The following ARL15 variants were observed in gnomAD, a reference collection of about 807,000 sequenced individuals.
ARL15 encodes the protein ADP-ribosylation factor-like protein 15.
ARL15 carries 19 observed loss-of-function variants against 25.2 expected under a neutral mutation model. The ratio of observed to expected loss-of-function variants is 0.75; its 90% confidence interval spans 0.53 to 1.10. ARL15 has a LOEUF of 1.10. ARL15 is among the 50% of genes least tolerant of loss of function. The pLI is 0.00. For missense variants in ARL15, 220 were observed against 246.0 expected (o/e 0.89, Z 0.71); for synonymous variants, 94 against 86.8 (o/e 1.08, Z -0.46).
At chr5:53,933,461 C>T (rs1373305559) in intron 4 of ARL15, among the ~76,000 whole-genome samples, 3 of 151,726 alleles carry the variant, frequency 2.0e-5, no homozygotes, top group Non-Finnish European at 4.4e-5. Context: ...CTGGCTAACA[C>T]GGTGAAACCC....
chr5:53,957,213 A>G (rs1747189203), intron 4 of ARL15, among the ~76,000 whole-genome samples: 1 of 152,176 alleles, frequency 6.6e-6, no homozygotes, highest in Admixed American at 6.5e-5. Context: ...CAACAAGATG[A>G]GAGAAGGAAT....
chr5:54,155,024 G>A (rs1231309631), intron 2 of ARL15, among the ~76,000 whole-genome samples: 1 of 152,142 alleles, frequency 6.6e-6, no homozygotes, highest in African/African-American at 2.4e-5. Context: ...GGGAGGCTGA[G>A]GCAGGAGAAT....
chr5:53,943,884 T>C (rs930579541), intron 4 of ARL15, among the ~76,000 whole-genome samples: 3 of 152,174 alleles, frequency 2.0e-5, no homozygotes, highest in Non-Finnish European at 4.4e-5. Flanking sequence ...GTACAAAATG[T>C]GTCCAGAACA....
intron 4 of ARL15, among the ~76,000 whole-genome samples, chr5:54,010,479 T>C (rs181568463): frequency 6.6e-6 from 1 of 152,306 alleles, no homozygotes; most frequent in Admixed American, 6.5e-5. Context: ...CAATGCCTAG[T>C]AGATATCACC....
intron 4 of ARL15, among the ~76,000 whole-genome samples, chr5:54,030,223 G>C (rs1474517541): frequency 6.6e-6 from 1 of 152,028 alleles, no homozygotes; most frequent in East Asian, 1.9e-4. Context: ...AAAAGTACCT[G>C]CTATACGACA....
chr5:54,173,879 C>T (rs73118735), intron 1 of ARL15, among the ~76,000 whole-genome samples: 38,056 of 151,810 alleles, frequency 0.25, 5,158 homozygotes, highest in African/African-American at 0.33. Flanking sequence ...CCAGCCATGC[C>T]CTCTCTTACC....
chr5:54,211,594 G>A (rs1025183612), intron 1 of ARL15, among the ~76,000 whole-genome samples: 3 of 147,444 alleles, frequency 2.0e-5, no homozygotes, highest in South Asian at 2.2e-4. Context: ...CCTCAGCCTC[G>A]CGAGTAGCTG....
intron 4 of ARL15, among the ~76,000 whole-genome samples, chr5:54,006,737 A>C (rs1014653648): frequency 6.6e-6 from 1 of 152,126 alleles, no homozygotes; most frequent in South Asian, 2.1e-4. Flanking sequence ...TTTTCACTAC[A>C]TGCACCCTTC....
At chr5:54,073,907 A>T (rs1286068023) in intron 4 of ARL15, among the ~76,000 whole-genome samples, 1 of 152,216 alleles carries the variant, frequency 6.6e-6, no homozygotes, top group Admixed American at 6.5e-5. Context: ...CTAGCATTCC[A>T]AGCTTCTTAA....
intron 1 of ARL15, among the ~76,000 whole-genome samples, chr5:54,190,219 C>T (rs1462245316): frequency 1.3e-5 from 2 of 151,886 alleles, no homozygotes; most frequent in Admixed American, 6.6e-5. Flanking sequence ...GGTGAAACCC[C>T]GTTTCTACTA....
chr5:54,147,191 T>A (rs1317960760), intron 3 of ARL15, among the ~76,000 whole-genome samples: 1 of 152,144 alleles, frequency 6.6e-6, no homozygotes, highest in Non-Finnish European at 1.5e-5. Context: ...GCTGTTCTCA[T>A]TCCAAAAAGG....
intron 4 of ARL15, among the ~76,000 whole-genome samples, chr5:53,887,002 T>C (rs1254310163): frequency 2.6e-5 from 4 of 152,178 alleles, no homozygotes; most frequent in African/African-American, 7.2e-5. Context: ...AAAAATTATT[T>C]GCACTATGGC....
intron 4 of ARL15, among the ~76,000 whole-genome samples, chr5:53,897,822 C>T (rs1418843998): frequency 6.6e-6 from 1 of 152,026 alleles, no homozygotes; most frequent in Non-Finnish European, 1.5e-5. Context: ...ACAGTTGATC[C>T]TTGAACAACA....
intron 3 of ARL15, among the ~76,000 whole-genome samples, chr5:54,135,728 CAG>C (rs1233171964): frequency 6.6e-6 from 1 of 152,114 alleles, no homozygotes; most frequent in Non-Finnish European, 1.5e-5. Context: ...AGTCACATGC[CAG>C]AGATTTGAAA....
At chr5:53,994,102 C>T (rs1748592828) in intron 4 of ARL15, among the ~76,000 whole-genome samples, 1 of 151,996 alleles carries the variant, frequency 6.6e-6, no homozygotes, top group South Asian at 2.1e-4. Context: ...TGAAAAGATG[C>T]CACTTTGGGA....
intron 1 of ARL15, among the ~76,000 whole-genome samples, chr5:54,260,398 A>G (rs1757472039): frequency 6.6e-6 from 1 of 152,206 alleles, no homozygotes; most frequent in Admixed American, 6.5e-5. Context: ...AATGAATTCC[A>G]TAATTCCAAA....
chr5:53,965,751 C>A (rs1747537186), intron 4 of ARL15, among the ~76,000 whole-genome samples: 1 of 151,948 alleles, frequency 6.6e-6, no homozygotes, highest in African/African-American at 2.4e-5. Flanking sequence ...AAAGTTCCTG[C>A]TTCTGATCTA....
At chr5:53,941,532 A>T (rs898655190) in intron 4 of ARL15, among the ~76,000 whole-genome samples, 1 of 152,216 alleles carries the variant, frequency 6.6e-6, no homozygotes, top group Non-Finnish European at 1.5e-5. Context: ...TAAGTACATG[A>T]AGATAAATGA....
chr5:53,921,972 C>G (rs541846386), intron 4 of ARL15, among the ~76,000 whole-genome samples: 1 of 152,288 alleles, frequency 6.6e-6, no homozygotes, highest in Admixed American at 6.5e-5. Context: ...CATACCAGAG[C>G]TATGCACTGA....
Sources: allele counts gnomAD v4.1 joint callset (sites outside exome capture counted in the v4.1 genomes callset), GRCh38; gene constraint gnomAD v4.1.1; transcripts MANE v1.5; gene names NCBI Gene and HGNC (gene_info 2026-07-23, HGNC 2026-07-21).